Variants in DMD observed in about 807,000 individuals in gnomAD.
The protein encoded by DMD is mutant dystrophin.
In DMD, 63 loss-of-function variants were observed where a neutral mutation model predicts 330.1. The ratio of observed to expected loss-of-function variants is 0.19; its 90% confidence interval spans 0.16 to 0.24. The LOEUF is 0.24. Among genes scored for constraint, DMD ranks in the 10% least tolerant of loss-of-function variants. The pLI is 1.00. For missense variants in DMD, 3,344 were observed against 2,684.1 expected (o/e 1.25, Z -5.43); for synonymous variants, 1,223 against 959.8 (o/e 1.27, Z -5.07).
chrX:31,577,810 A>G (rs904207348), intron 55 of DMD, among the ~76,000 whole-genome samples: 5 of 111,770 alleles, frequency 4.5e-5, no homozygotes, highest in Non-Finnish European at 9.4e-5. Context: ...TTCAAACTAC[A>G]TGGATTCCCT....
intron 2 of DMD, among the ~76,000 whole-genome samples, chrX:33,019,918 C>G (rs2093881407): frequency 9.0e-6 from 1 of 111,399 alleles, no homozygotes; most frequent in Non-Finnish European, 1.9e-5. Context: ...CAAGAAGAAT[C>G]AAAGATATAC....
chrX:32,443,206 A>C (rs2098289281), intron 27 of DMD, among the ~76,000 whole-genome samples: 1 of 110,881 alleles, frequency 9.0e-6, no homozygotes, highest in African/African-American at 3.3e-5. Flanking sequence ...TTTATTTCAG[A>C]AGGATCTAAA....
At chrX:31,653,038 A>T (rs1192965786) in intron 54 of DMD, among the ~76,000 whole-genome samples, 2 of 111,773 alleles carry the variant, frequency 1.8e-5, no homozygotes, top group Non-Finnish European at 3.8e-5. Flanking sequence ...TTACTAAAAC[A>T]ACATGTTGGA....
rs770399226 is a variant in DMD at position 33,316,864 on chromosome X, C to A, written c.7+22395G>T. 1.5e-4 allele frequency among the ~76,000 whole-genome samples: 17 copies of A among 110,543 alleles called. No individual in the cohort carries two copies. The South Asian group carries it at 6.5e-3, about 43-fold the overall frequency. On this transcript the variant is annotated intron_variant, in intron 1 of 17. Transcript: ENST00000288447. ...TTCCAATCCATGAATGCAATATATCCCTGAAATTATTTAGGTCTTGATTTC... is the reference window on the plus strand; with the variant it reads ...TTCCAATCCATGAATGCAATATATCACTGAAATTATTTAGGTCTTGATTTC...
chrX:32,796,722 G>A (rs191173029), intron 7 of DMD, among the ~76,000 whole-genome samples: 57 of 111,756 alleles, frequency 5.1e-4, no homozygotes, highest in African/African-American at 1.7e-3. Context: ...GTACATATAT[G>A]TAAAACGTTA....
intron 60 of DMD, among the ~76,000 whole-genome samples, chrX:31,444,135 T>C (rs1300046211): frequency 9.0e-6 from 1 of 110,829 alleles, no homozygotes; most frequent in Non-Finnish European, 1.9e-5. Flanking sequence ...CCTTCTGCCA[T>C]GAGTGGAAGC....
At chrX:31,412,206 A>G (rs7884921) in intron 60 of DMD, among the ~76,000 whole-genome samples, 61 of 94,182 alleles carry the variant, frequency 6.5e-4, no homozygotes, top group Non-Finnish European at 1.0e-3. Flanking sequence ...AAAAAAAAAA[A>G]AGAGAGAGAG....
intron 61 of DMD, among the ~76,000 whole-genome samples, chrX:31,339,013 T>C (rs111597539): frequency 9.2e-6 from 1 of 109,090 alleles, no homozygotes; most frequent in African/African-American, 3.3e-5. Flanking sequence ...GGAGTAAATC[T>C]TCCCACTATG....
At chrX:32,560,609 G>C (rs1182374611) in intron 16 of DMD, among the ~76,000 whole-genome samples, 1 of 110,646 alleles carries the variant, frequency 9.0e-6, no homozygotes, top group Admixed American at 9.7e-5. Flanking sequence ...CCAGCAACAG[G>C]CCCCAGTGTG....
At chrX:32,011,472 C>T (rs2095708289) in intron 44 of DMD, among the ~76,000 whole-genome samples, 1 of 112,041 alleles carries the variant, frequency 8.9e-6, no homozygotes, top group African/African-American at 3.2e-5. Context: ...ATGGACTTCT[C>T]TGGATGGAAT....
intron 50 of DMD, among the ~76,000 whole-genome samples, chrX:31,786,039 A>G (rs2091281418): frequency 8.9e-6 from 1 of 112,020 alleles, no homozygotes. Flanking sequence ...GTCTTCCACA[A>G]TGGTTGAAGT....
intron 30 of DMD, among the ~76,000 whole-genome samples, chrX:32,410,819 A>G (rs970019759): frequency 6.2e-5 from 7 of 112,571 alleles, no homozygotes; most frequent in Admixed American, 4.7e-4. Context: ...GTGAATGTAA[A>G]TTTAGTTATG....
chrX:32,029,434 A>G (rs942220648), intron 44 of DMD, among the ~76,000 whole-genome samples: 2 of 110,989 alleles, frequency 1.8e-5, no homozygotes, highest in Admixed American at 9.6e-5. Context: ...TGCAGGGGAT[A>G]AATTGGGAAA....
At chrX:33,136,487 C>T (rs1275654409) in intron 1 of DMD, among the ~76,000 whole-genome samples, 1 of 107,377 alleles carries the variant, frequency 9.3e-6, no homozygotes, top group Non-Finnish European at 1.9e-5. Flanking sequence ...TTCATTAGTG[C>T]TATGGGTTGA....
At chrX:31,152,568 CTG>C (rs2037573775) in intron 74 of DMD, among the ~76,000 whole-genome samples, 2 of 107,955 alleles carry the variant, frequency 1.9e-5, no homozygotes, top group African/African-American at 6.8e-5. Flanking sequence ...GGGTCTCACT[CTG>C]TTGCCCAGGA....
At position 32,724,783 on chromosome X, in the gene DMD, TC is replaced by T. The variant is rs748921743; in HGVS notation, c.650-25491del. Among the ~76,000 whole-genome samples the T allele has an allele frequency of 3.6e-5, 4 of 112,097 alleles. No homozygotes were observed. In the East Asian group the frequency reaches 1.1e-3, roughly 31 times the overall value. On this transcript the variant is annotated intron_variant, in intron 7 of 78. Coordinates refer to ENST00000357033, the MANE Select transcript of DMD (RefSeq NM_004006.3). ...AAATACTAACCTGTTATAAATTACA[TC>T]AGTAATCTTTCAGCTCTTTTTCTCA...
intron 7 of DMD, among the ~76,000 whole-genome samples, chrX:32,707,964 AC>A: frequency 8.9e-6 from 1 of 112,030 alleles, no homozygotes; most frequent in Non-Finnish European, 1.9e-5. Context: ...TTTGCTTTTG[AC>A]CTAACCAAAT....
chrX:32,358,689 T>C (rs988599008), intron 37 of DMD, among the ~76,000 whole-genome samples: 1 of 111,433 alleles, frequency 9.0e-6, no homozygotes, highest in Non-Finnish European at 1.9e-5. Context: ...GGCTGGTCTT[T>C]GTCATGAAAA....
intron 2 of DMD, among the ~76,000 whole-genome samples, chrX:32,897,643 T>C (rs1220093668): frequency 8.9e-6 from 1 of 112,673 alleles, no homozygotes; most frequent in Admixed American, 9.4e-5. Context: ...AAAGTTGGTA[T>C]GCCCAAAGGC....
Sources: allele counts gnomAD v4.1 joint callset (sites outside exome capture counted in the v4.1 genomes callset), GRCh38; gene constraint gnomAD v4.1.1; transcripts MANE v1.5; gene names NCBI Gene and HGNC (gene_info 2026-07-23, HGNC 2026-07-21).